The following SREBF2 variants were observed in gnomAD, a reference collection of about 807,000 sequenced individuals.
SREBF2 encodes sterol regulatory element binding transcription factor 2.
In SREBF2, 55 loss-of-function variants were observed where a neutral mutation model predicts 113.1. That is an observed-to-expected ratio of 0.49 (90% CI 0.39 to 0.61). SREBF2 has a LOEUF of 0.61. Among genes scored for constraint, SREBF2 ranks in the 20% least tolerant of loss-of-function variants. SREBF2 has a pLI of 0.00. For missense variants in SREBF2, 1,349 were observed against 1,487.4 expected (o/e 0.91, Z 1.53); for synonymous variants, 593 against 605.7 (o/e 0.98, Z 0.31).
In SREBF2 at chr22:41,907,126, T is replaced by C. The variant is rs941903463; in HGVS notation, c.*1466T>C. The C allele has an allele frequency of 1.3e-5, 2 of 152,178 alleles. No individual in the cohort carries two copies. The highest frequency in any genetic ancestry group is 1.9e-4 in the East Asian group (1 of 5,188). The allele number at this position is 152,178 out of a possible 1,614,324, so 9.4% of individuals were successfully genotyped here. A position where few individuals can be genotyped will look rare whatever the true frequency, so the allele number is the denominator to read the frequency against. ...CCCCTCCCCTACTCTCACTGTAATT[T>C]ATGGACCCTGCCCGCCTGCGTGTTG... On this transcript the variant is annotated 3_prime_UTR_variant, in exon 19 of 19. Coordinates refer to ENST00000361204, the MANE Select transcript of SREBF2 (RefSeq NM_004599.4).
At chr22:41,855,316 A>T (rs1157020689) in intron 1 of SREBF2, among the ~76,000 whole-genome samples, 1 of 152,174 alleles carries the variant, frequency 6.6e-6, no homozygotes, top group African/African-American at 2.4e-5. Flanking sequence ...TGAGGTCAGG[A>T]GCTGAAGACC....
chr22:41,861,105 T>G (rs1380054463), intron 1 of SREBF2, among the ~76,000 whole-genome samples: 2 of 152,224 alleles, frequency 1.3e-5, no homozygotes, highest in Non-Finnish European at 2.9e-5. Flanking sequence ...GATCTCATTT[T>G]TGTAAAACAA....
At chr22:41,892,434 G>A (rs1194745678) in intron 11 of SREBF2, among the ~76,000 whole-genome samples, 2 of 152,068 alleles carry the variant, frequency 1.3e-5, no homozygotes, top group Non-Finnish European at 2.9e-5. Flanking sequence ...CGGATCACGA[G>A]GTCAAGAGAT....
chr22:41,900,289 C>T (rs780048266), intron 15 of SREBF2, 41 bp from the exon 16 acceptor site: 12 of 1,603,608 alleles, frequency 7.5e-6, no homozygotes, highest in Admixed American at 6.7e-5. Flanking sequence ...ACGCAGGTGA[C>T]ACATAGTGAC....
At chr22:41,894,650 ACT>A (rs1463558622) in intron 12 of SREBF2, among the ~76,000 whole-genome samples, 168 bp from the exon 13 acceptor site, 2 of 150,650 alleles carry the variant, frequency 1.3e-5, no homozygotes, top group Non-Finnish European at 3.0e-5. Context: ...GGGAGTGAAC[ACT>A]CTCCCCCATC....
chr22:41,903,752 C>G (rs1480205298), intron 17 of SREBF2, among the ~76,000 whole-genome samples: 1 of 152,180 alleles, frequency 6.6e-6, no homozygotes, highest in African/African-American at 2.4e-5. Flanking sequence ...ACTCAAGTGT[C>G]ATTGAGGGGG....
intron 9 of SREBF2, chr22:41,878,648 G>C (rs2148393817): frequency 7.7e-7 from 1 of 1,301,334 alleles, no homozygotes; most frequent in Non-Finnish European, 1.0e-6. Context: ...GTTTTCATTT[G>C]AAATCAACAG....
intron 1 of SREBF2, among the ~76,000 whole-genome samples, chr22:41,854,801 G>A (rs1361756702): frequency 2.0e-5 from 3 of 151,970 alleles, no homozygotes; most frequent in Admixed American, 6.6e-5. Context: ...CGTGGGAGGC[G>A]GAGGTGGAGC....
intron 1 of SREBF2, among the ~76,000 whole-genome samples, chr22:41,854,953 C>CCTAG (rs1260357757): frequency 6.6e-6 from 1 of 151,340 alleles, no homozygotes; most frequent in African/African-American, 2.4e-5. Flanking sequence ...ACCTTGAATT[C>CCTAG]CTAGGTTCAA....
In SREBF2 at chr22:41,870,872, C is replaced by G; in HGVS notation, c.721-17C>G. 1.9e-6 allele frequency: 3 copies of G among 1,614,096 alleles called. No homozygotes were observed. Among genetic ancestry groups the G allele is most frequent in the South Asian group, 2.2e-5 (2 of 91,068 alleles). On this transcript the variant is annotated splice_polypyrimidine_tract_variant and intron_variant, in intron 3 of 18. Coordinates refer to ENST00000361204, the MANE Select transcript of SREBF2 (RefSeq NM_004599.4). ...ATAATGCTATCATCCTTTTACTTTT[C>G]TTCCTTCTTCATCCAGGTCCTGGTC...
chr22:41,846,605 G>C (rs2076878749), intron 1 of SREBF2, among the ~76,000 whole-genome samples: 1 of 152,210 alleles, frequency 6.6e-6, no homozygotes, highest in Admixed American at 6.5e-5. Context: ...ATACATGGTA[G>C]CATTAAGTCA....
chr22:41,849,651 G>A (rs1380182807), intron 1 of SREBF2, among the ~76,000 whole-genome samples: 2 of 152,182 alleles, frequency 1.3e-5, no homozygotes, highest in Non-Finnish European at 2.9e-5. Context: ...AAAAGAGAGA[G>A]ATTGTTCTAG....
chr22:41,905,762 C>T lies in SREBF2; in HGVS notation c.*102C>T. ...GTGGGGAAGAGCCTTGTCTTCTTAG[C>T]TGTCACCTGCCGAGGCTTCTGGGCC... On this transcript the variant is annotated 3_prime_UTR_variant, in exon 19 of 19. Transcript: ENST00000361204. The T allele has an allele frequency of 7.5e-7, 1 of 1,333,892 alleles. No individual in the cohort carries two copies. Among genetic ancestry groups the T allele is most frequent in the East Asian group, 2.5e-5 (1 of 39,844 alleles). The allele number at this position is 1,333,892 out of a possible 1,614,324, so 82.6% of individuals were successfully genotyped here.
chr22:41,864,284 A>ACACACAC (rs1491340321), intron 1 of SREBF2, among the ~76,000 whole-genome samples: 14 of 123,344 alleles, frequency 1.1e-4, no homozygotes, highest in Admixed American at 3.5e-4. Context: ...ACACACACAC[A>ACACACAC]AAATATCAAA....
intron 1 of SREBF2, among the ~76,000 whole-genome samples, chr22:41,863,010 C>T (rs1437323090): frequency 6.6e-6 from 1 of 152,212 alleles, no homozygotes; most frequent in East Asian, 1.9e-4. Context: ...CCATATCTTT[C>T]CCACAAAAGG....
At chr22:41,902,092 G>A (rs1284875969) in intron 16 of SREBF2, among the ~76,000 whole-genome samples, 4 of 152,252 alleles carry the variant, frequency 2.6e-5, no homozygotes, top group Non-Finnish European at 5.9e-5. Context: ...GCAGGGACAG[G>A]GCAGGGTCTT....
chr22:41,895,350 A>G (rs2077404738), intron 13 of SREBF2, among the ~76,000 whole-genome samples: 1 of 150,882 alleles, frequency 6.6e-6, no homozygotes, highest in Admixed American at 6.6e-5. Context: ...CATGTTAGCC[A>G]GGATGGTCTC....
At chr22:41,895,017 C>A in intron 13 of SREBF2, 80 bp downstream of exon 13, 2 of 1,110,758 alleles carry the variant, frequency 1.8e-6, no homozygotes, top group Non-Finnish European at 1.4e-6. Context: ...GCCTGCACTC[C>A]TGGAGGGAAA....
Position 41,898,761 on chromosome 22 carries a change from C to T in SREBF2, c.2718C>T (p.Pro906=), listed in dbSNP as rs1183009985. 2 of 1,614,120 alleles carry T rather than the reference C, an allele frequency of 1.2e-6. No individual in the cohort carries two copies. ...RSHFTKVERI[P]KALEVTESPL... ...ATTTTACCAAAGTGGAACGCATCCC[C>T]AAGGCCCTGGAAGTGACAGAGTGCG... is the stretch of plus-strand genomic sequence containing the variant. The change falls in exon 15 of 19, where the codon CCC becomes CCT. Residue 906 remains proline, a synonymous_variant. Coordinates refer to ENST00000361204, the MANE Select transcript of SREBF2 (RefSeq NM_004599.4).
Sources: allele counts gnomAD v4.1 joint callset (sites outside exome capture counted in the v4.1 genomes callset), GRCh38; gene constraint gnomAD v4.1.1; transcripts MANE v1.5; gene names NCBI Gene and HGNC (gene_info 2026-07-23, HGNC 2026-07-21).